Variants in DESI2 observed in about 807,000 individuals in gnomAD.
The protein encoded by DESI2 is desumoylating isopeptidase 2, also known as deubiquitinase DESI2.
Under a neutral mutation model 24.1 loss-of-function variants are expected in DESI2, and 10 were observed. The ratio of observed to expected loss-of-function variants is 0.41; its 90% CI spans 0.26 to 0.70. DESI2 has a LOEUF of 0.70. Among genes scored for constraint, DESI2 ranks in the 30% least tolerant of loss-of-function variants. The pLI is 0.29. For missense variants in DESI2, 122 were observed against 234.9 expected (o/e 0.52, Z 3.14); for synonymous variants, 71 against 87.7 (o/e 0.81, Z 1.06).
intron 1 of DESI2, among the ~76,000 whole-genome samples, chr1:244,673,529 T>C (rs1676315663): frequency 2.6e-5 from 4 of 152,238 alleles, no homozygotes; most frequent in Admixed American, 2.6e-4. Context: ...GGCAGCTGGC[T>C]AGAATTAGGA....
chr1:244,682,963 A>G (rs1429157759), intron 1 of DESI2, among the ~76,000 whole-genome samples: 2 of 152,158 alleles, frequency 1.3e-5, no homozygotes, highest in Non-Finnish European at 2.9e-5. Flanking sequence ...TTTGCAGTGG[A>G]GTAGAGAAAC....
chr1:244,679,868 CA>C (rs10543739), intron 1 of DESI2, among the ~76,000 whole-genome samples: 155 of 80,620 alleles, frequency 1.9e-3, no homozygotes, highest in Middle Eastern at 6.7e-3. Flanking sequence ...GACTCTATCT[CA>C]AAAAAAAAAA....
At chr1:244,704,482 G>C (rs542763587) in intron 4 of DESI2, among the ~76,000 whole-genome samples, 36 of 152,278 alleles carry the variant, frequency 2.4e-4, no homozygotes, top group African/African-American at 8.7e-4. Flanking sequence ...ACAGTATAAG[G>C]ACAGGAAGTG....
intron 1 of DESI2, among the ~76,000 whole-genome samples, chr1:244,669,638 A>T (rs369919868): frequency 2.6e-5 from 4 of 152,084 alleles, no homozygotes; most frequent in Admixed American, 1.3e-4. Context: ...AGATCGCACC[A>T]TTACACTCCA....
chr1:244,681,925 C>T (rs139769011), intron 1 of DESI2, among the ~76,000 whole-genome samples: 71 of 152,282 alleles, frequency 4.7e-4, no homozygotes, highest in Non-Finnish European at 5.3e-4. Context: ...AAGCCGCAGA[C>T]CCTCGTGGTG....
At chr1:244,672,654 G>A (rs1297804113) in intron 1 of DESI2, among the ~76,000 whole-genome samples, 1 of 152,080 alleles carries the variant, frequency 6.6e-6, no homozygotes, top group Non-Finnish European at 1.5e-5. Context: ...CAAGGCGGGC[G>A]GATCACGAGG....
intron 1 of DESI2, among the ~76,000 whole-genome samples, chr1:244,670,923 A>G (rs1214339475): frequency 2.0e-5 from 3 of 152,242 alleles, no homozygotes; most frequent in African/African-American, 7.2e-5. Flanking sequence ...AATCTCTGAG[A>G]TTAATGAAAA....
chr1:244,685,850 C>G (rs1676798641), intron 1 of DESI2, among the ~76,000 whole-genome samples: 1 of 152,178 alleles, frequency 6.6e-6, no homozygotes, highest in Non-Finnish European at 1.5e-5. Flanking sequence ...TCCACTTCAC[C>G]TTTTTAACCC....
At chr1:244,698,325 G>T (rs1677301814) in intron 4 of DESI2, among the ~76,000 whole-genome samples, 1 of 152,122 alleles carries the variant, frequency 6.6e-6, no homozygotes, top group Admixed American at 6.6e-5. Context: ...GCCCATTGGA[G>T]CCTCTGGAAA....
In DESI2 at chr1:244,689,259, TG is replaced by T; in HGVS notation, c.128del (p.Gly43ValfsTer21). On this transcript the variant is annotated frameshift_variant, in exon 3 of 5. Transcript: ENST00000302550. LOFTEE classifies it high-confidence loss of function. This position sits in a 1 kb window ranked among gnomAD's most constrained non-coding sequence, Gnocchi z 4.0. ...IEVYGREFAY[G>X]GHPYPFSGIF... ...GTTTTCTCTTTTCAGAATTTGCTTA[TG>T]GTGGCCATCCTTACCCCTTTTCTGG... 6.4e-7 allele frequency: 1 copy of T among 1,557,222 alleles called. No individual in the cohort carries two copies. The highest frequency in any genetic ancestry group is 8.9e-7 in the Non-Finnish European group (1 of 1,128,924).
In DESI2 at chr1:244,653,131, C is replaced by G. The variant is rs994984341; in HGVS notation, c.-183C>G. ...CGGTCCGGCCCCGTCCGCACAGACG[C>G]TCCTGTCGGCGGCGCCCGGGAGCGG... On this transcript the variant is annotated 5_prime_UTR_variant, in exon 1 of 5. Coordinates refer to ENST00000302550, the MANE Select transcript of DESI2 (RefSeq NM_016076.5). 2.1e-6 allele frequency: 1 copy of G among 478,904 alleles called. No homozygotes were observed. The highest frequency in any genetic ancestry group is 3.7e-5 in the East Asian group (1 of 27,384). 29.7% of individuals were successfully genotyped at this position (478,904 alleles called of 1,614,324 possible).
rs141997509 is a variant in DESI2 at position 244,658,856 on chromosome 1, T to G, written c.42+5501T>G. ...ACAGAAAAAAATCAAATAGTTTTCTTTGACAAAACTTAAAATACTATGGGA... is the reference window on the plus strand; with the variant it reads ...ACAGAAAAAAATCAAATAGTTTTCTGTGACAAAACTTAAAATACTATGGGA... On this transcript the variant is annotated intron_variant, in intron 1 of 4. Transcript: ENST00000302550. Among the ~76,000 whole-genome samples, 112 of 152,274 alleles carry G rather than the reference T, an allele frequency of 7.4e-4. 1 individual carries two copies. Among genetic ancestry groups the G allele is most frequent in the African/African-American group, 2.6e-3 (106 of 41,560 alleles).
rs1677204761 is a variant in DESI2, at chr1:244,696,079, T to C, written c.351+4059T>C. Among the ~76,000 whole-genome samples, 3 of 152,212 alleles carry C rather than the reference T, an allele frequency of 2.0e-5. No homozygotes were observed. In the South Asian group the frequency reaches 6.2e-4, roughly 31 times the overall value. The stretch of plus-strand genomic sequence containing the variant: ...GCCACTGCACCTGGCCTAATTTCAA[T>C]TATAAATATTTCACTCTGTATCTCT... On this transcript the variant is annotated intron_variant, in intron 4 of 4. Transcript: ENST00000302550.
rs1677147763 is a variant in DESI2, at chr1:244,694,651, T to A, written c.351+2631T>A. 7 of 809,082 alleles carry A rather than the reference T, an allele frequency of 8.7e-6. No homozygotes were observed. In the South Asian group the frequency reaches 9.3e-5, roughly 11 times the overall value. 50.1% of individuals were successfully genotyped at this position (809,082 alleles called of 1,614,324 possible). On this transcript the variant is annotated intron_variant, in intron 4 of 4. Transcript: ENST00000302550. Reference sequence around the variant, plus strand: ...GTCAACTTCTGAAGGTGGTAGGCCTTAGAGCCACAGCAGTGGCACGTGTGC... The same window carrying A: ...GTCAACTTCTGAAGGTGGTAGGCCTAAGAGCCACAGCAGTGGCACGTGTGC...
intron 4 of DESI2, among the ~76,000 whole-genome samples, chr1:244,696,375 A>G (rs1250542331): frequency 6.6e-6 from 1 of 152,204 alleles, no homozygotes; most frequent in Non-Finnish European, 1.5e-5. Context: ...TAATCCCAGT[A>G]CTTTGGGAGG....
intron 1 of DESI2, among the ~76,000 whole-genome samples, chr1:244,666,690 A>G (rs757558144): frequency 1.3e-5 from 2 of 152,214 alleles, no homozygotes; most frequent in Non-Finnish European, 2.9e-5. Context: ...TAATACAGCA[A>G]TAAGGATTTT....
chr1:244,704,403 G>C (rs907544883), intron 4 of DESI2, among the ~76,000 whole-genome samples: 6 of 152,144 alleles, frequency 3.9e-5, no homozygotes, highest in Admixed American at 1.3e-4. Flanking sequence ...ATAAAGTTAG[G>C]GGCACAGAAT....
intron 1 of DESI2, among the ~76,000 whole-genome samples, chr1:244,675,436 C>G (rs1414846900): frequency 6.6e-6 from 1 of 152,076 alleles, no homozygotes; most frequent in Non-Finnish European, 1.5e-5. Context: ...GGTCTTTGAT[C>G]CATTAAATTA....
At chr1:244,692,784 A>C (rs1197877385) in intron 4 of DESI2, among the ~76,000 whole-genome samples, 2 of 152,126 alleles carry the variant, frequency 1.3e-5, no homozygotes, top group African/African-American at 4.8e-5. Context: ...GACTGTTACC[A>C]TGCTACTCAA....
Sources: allele counts gnomAD v4.1 joint callset (sites outside exome capture counted in the v4.1 genomes callset), GRCh38; gene constraint gnomAD v4.1.1; non-coding constraint Gnocchi (gnomAD v3.1); transcripts MANE v1.5; gene names NCBI Gene and HGNC (gene_info 2026-07-23, HGNC 2026-07-21).